Variants in CEP83 observed in about 807,000 individuals in gnomAD.
CEP83 encodes centrosomal protein of 83 kDa.
A neutral mutation model predicts 101.9 loss-of-function variants in CEP83; 70 were observed. That is an observed-to-expected ratio of 0.69 (90% CI 0.57 to 0.84). The LOEUF (loss-of-function observed/expected upper bound fraction) is 0.84. Ranked by LOEUF, CEP83 falls within the 40% of genes least tolerant of loss-of-function variation. The pLI is 0.00. For missense variants in CEP83, 715 were observed against 787.2 expected (o/e 0.91, Z 1.10); for synonymous variants, 264 against 267.9 (o/e 0.99, Z 0.14).
intron 8 of CEP83, among the ~76,000 whole-genome samples, chr12:94,374,062 T>C (rs151241486): frequency 9.4e-4 from 143 of 152,258 alleles, no homozygotes; most frequent in Admixed American, 2.0e-3. Context: ...TGTGTATTAA[T>C]AAACAAGCAC....
At chr12:94,413,137 A>G (rs2064015750) in intron 2 of CEP83, among the ~76,000 whole-genome samples, 1 of 152,182 alleles carries the variant, frequency 6.6e-6, no homozygotes, top group African/African-American at 2.4e-5. Context: ...TACAGGCGTG[A>G]GCCACCACGC....
intron 1 of CEP83, among the ~76,000 whole-genome samples, chr12:94,451,467 CAAA>C (rs34200750): frequency 5.8e-5 from 6 of 102,656 alleles, no homozygotes; most frequent in Non-Finnish European, 1.2e-4. Context: ...TCAGTAAGAC[CAAA>C]AAAAAAAAAA....
chr12:94,357,544 C>A (rs1163090764), intron 11 of CEP83, among the ~76,000 whole-genome samples: 1 of 152,136 alleles, frequency 6.6e-6, no homozygotes, highest in African/African-American at 2.4e-5. Context: ...TGTTCTAAAC[C>A]GGGGCATTTC....
chr12:94,347,068 TACACATACACACACACACAC>T (rs910108938), intron 11 of CEP83, among the ~76,000 whole-genome samples: 5 of 147,476 alleles, frequency 3.4e-5, no homozygotes, highest in Admixed American at 2.0e-4. Flanking sequence ...TATATATATA[TACACATACACACACACACAC>T]ACACATACAC....
At chr12:94,313,826 ACT>A (rs1230081772) in intron 14 of CEP83, among the ~76,000 whole-genome samples, 1 of 152,102 alleles carries the variant, frequency 6.6e-6, no homozygotes, top group Admixed American at 6.5e-5. Flanking sequence ...AAAAAGCAAG[ACT>A]CTGTCTCAAA....
At chr12:94,278,438 A>C in the CEP83 span, among the ~76,000 whole-genome samples, 1 of 152,244 alleles carries the variant, frequency 6.6e-6, no homozygotes, top group Non-Finnish European at 1.5e-5. Context: ...TTGTTTTGAA[A>C]TATTCCCTAG....
At chr12:94,439,567 A>G (rs1189310509) in intron 1 of CEP83, among the ~76,000 whole-genome samples, 1 of 152,048 alleles carries the variant, frequency 6.6e-6, no homozygotes, top group Non-Finnish European at 1.5e-5. Context: ...AAAAAAAAAA[A>G]AAGTCCAGGA....
intron 6 of CEP83, among the ~76,000 whole-genome samples, chr12:94,391,809 C>CA (rs201342117): frequency 8.9e-4 from 113 of 127,440 alleles, no homozygotes; most frequent in East Asian, 3.4e-3. Flanking sequence ...GTAGATCAAG[C>CA]AAAAAAAAAA....
chr12:94,377,586 A>C (rs927974238), intron 7 of CEP83, among the ~76,000 whole-genome samples: 3 of 152,244 alleles, frequency 2.0e-5, no homozygotes, highest in Admixed American at 2.0e-4. Context: ...AGAAAGTTAA[A>C]GAAGAAAGAA....
Position 94,367,945 on chromosome 12 carries a change from T to TA in CEP83, c.1194-3dup. On this transcript the variant is annotated splice_polypyrimidine_tract_variant and splice_region_variant and intron_variant, in intron 10 of 16. Coordinates refer to ENST00000397809, the MANE Select transcript of CEP83 (RefSeq NM_016122.3). Reference sequence around the variant, plus strand: ...GCTAATCTGTTCTCGAGTTCTAACCTAAAACAAGAGATCATAATTATGTTA... The same window carrying TA: ...GCTAATCTGTTCTCGAGTTCTAACCTAAAAACAAGAGATCATAATTATGTTA... 1.2e-6 allele frequency: 2 copies of TA among 1,611,696 alleles called. No individual in the cohort carries two copies. Among genetic ancestry groups the TA allele is most frequent in the East Asian group, 4.5e-5 (2 of 44,818 alleles).
chr12:94,345,493 G>A (rs1330926599), intron 11 of CEP83, among the ~76,000 whole-genome samples: 1 of 152,068 alleles, frequency 6.6e-6, no homozygotes, highest in Non-Finnish European at 1.5e-5. Context: ...TAATACTGGG[G>A]TGCTCTGGGC....
chr12:94,275,038 T>C, the CEP83 span, among the ~76,000 whole-genome samples: 1 of 152,316 alleles, frequency 6.6e-6, no homozygotes, highest in East Asian at 1.9e-4. Flanking sequence ...CTCAGCGAAG[T>C]TAGACGACTT....
At chr12:94,378,633 G>T (rs1355323660) in intron 7 of CEP83, among the ~76,000 whole-genome samples, 158 bp downstream of exon 7, 1 of 152,052 alleles carries the variant, frequency 6.6e-6, no homozygotes, top group Non-Finnish European at 1.5e-5. Context: ...TGAATCAATA[G>T]CTTTCTTCTT....
At chr12:94,448,526 T>C (rs73372209) in intron 1 of CEP83, among the ~76,000 whole-genome samples, 11,603 of 152,016 alleles carry the variant, frequency 0.076, 537 homozygotes, top group African/African-American at 0.12. Context: ...ATACACCACA[T>C]ACTGGGGCAC....
intron 6 of CEP83, among the ~76,000 whole-genome samples, chr12:94,389,547 T>C (rs1278685640): frequency 6.6e-6 from 1 of 152,044 alleles, no homozygotes; most frequent in African/African-American, 2.4e-5. Context: ...CAGCTCCCAG[T>C]GTGATGGACG....
the CEP83 span, among the ~76,000 whole-genome samples, chr12:94,281,644 C>T: frequency 6.6e-6 from 1 of 152,138 alleles, no homozygotes; most frequent in African/African-American, 2.4e-5. Context: ...TGGTCTTGAA[C>T]TCCTAGCCTC....
At chr12:94,295,680 C>G in the CEP83 span, among the ~76,000 whole-genome samples, 2 of 152,156 alleles carry the variant, frequency 1.3e-5, no homozygotes, top group African/African-American at 4.8e-5. Context: ...ATTATCCTTT[C>G]CTGACCCTAC....
chr12:94,453,372 C>T (rs893695281), intron 1 of CEP83, among the ~76,000 whole-genome samples: 32 of 152,218 alleles, frequency 2.1e-4, no homozygotes, highest in African/African-American at 6.0e-4. Flanking sequence ...CACCCTACAA[C>T]TACACTTACA....
intron 7 of CEP83, among the ~76,000 whole-genome samples, chr12:94,376,688 T>TACACACACACACAC (rs1225591201): frequency 5.7e-5 from 5 of 87,540 alleles, no homozygotes; most frequent in East Asian, 5.6e-4. Context: ...TATATACATA[T>TACACACACACACAC]ATACACACAC....
Sources: gnomAD v4.1 joint callset for allele counts (sites outside exome capture counted in the v4.1 genomes callset) on GRCh38, gnomAD v4.1.1 for gene constraint, MANE v1.5 for transcripts, NCBI Gene and HGNC (gene_info 2026-07-23, HGNC 2026-07-21) for gene names.